Variants in CC2D2A observed in about 807,000 individuals in gnomAD.
CC2D2A encodes coiled-coil and C2 domain containing 2A.
CC2D2A carries 155 observed loss-of-function variants against 212.9 expected under a neutral mutation model. The ratio of observed to expected loss-of-function variants is 0.73; its 90% CI spans 0.64 to 0.83. The LOEUF is 0.83. Ranked by LOEUF, CC2D2A falls within the 40% of genes least tolerant of loss-of-function variation. The pLI is 0.00. For synonymous variants in CC2D2A, 667 were observed against 686.5 expected (o/e 0.97, Z 0.44); for missense variants, 1,856 against 1,956.2 (o/e 0.95, Z 0.97).
chr4:15,478,722 G>A lies in CC2D2A; in HGVS notation c.40-1G>A. 1 of 1,551,998 alleles carries A rather than the reference G, an allele frequency of 6.4e-7. No individual in the cohort carries two copies. Among genetic ancestry groups the A allele is most frequent in the African/African-American group, 1.4e-5 (1 of 73,110 alleles). ...TCTCTCCCTTTTGCATTTTCACAAA[G>A]GAGTTCATTGAAAATGATGAGGATG... On this transcript the variant is annotated splice_acceptor_variant, in intron 2 of 36. Coordinates refer to ENST00000424120, the MANE Select transcript of CC2D2A (RefSeq NM_001378615.1). LOFTEE classifies it high-confidence loss of function.
chr4:15,527,926 G>T (rs1159659438), intron 12 of CC2D2A, among the ~76,000 whole-genome samples: 1 of 152,242 alleles, frequency 6.6e-6, no homozygotes, highest in Non-Finnish European at 1.5e-5. Context: ...GTGTTAGGTG[G>T]AAGATATGTG....
At chr4:15,571,698 A>G (rs1335299028) in intron 28 of CC2D2A, among the ~76,000 whole-genome samples, 10 of 152,164 alleles carry the variant, frequency 6.6e-5, no homozygotes, top group Admixed American at 2.6e-4. Context: ...TCCCTAGGCA[A>G]AAGGGATTAG....
Position 15,596,347 on chromosome 4 carries a change from GA to G in CC2D2A, c.4437+143del. Reference sequence around the variant, plus strand: ...CGCATCTGAGCTCAACTCACAACAAGAAACAGATATATACGTTTACATATAT... The same window carrying G: ...CGCATCTGAGCTCAACTCACAACAAGAACAGATATATACGTTTACATATAT... On this transcript the variant is annotated intron_variant, in intron 34 of 36. Coordinates refer to ENST00000424120, the MANE Select transcript of CC2D2A (RefSeq NM_001378615.1). 7.8e-6 allele frequency: 5 copies of G among 643,656 alleles called. No individual in the cohort carries two copies. The South Asian group carries it at 2.1e-4, about 28-fold the overall frequency. 39.9% of individuals were successfully genotyped at this position (643,656 alleles called of 1,614,324 possible). A position where few individuals can be genotyped will look rare whatever the true frequency, so the allele number is the denominator to read the frequency against.
At chr4:15,545,599 T>C (rs1718669024) in intron 17 of CC2D2A, among the ~76,000 whole-genome samples, 1 of 152,134 alleles carries the variant, frequency 6.6e-6, no homozygotes, top group Non-Finnish European at 1.5e-5. Flanking sequence ...TCAGAGCTTC[T>C]AGCCAGGCTT....
chr4:15,521,032 A>C (rs1345727583), intron 11 of CC2D2A, among the ~76,000 whole-genome samples: 2 of 152,154 alleles, frequency 1.3e-5, no homozygotes, highest in Non-Finnish European at 2.9e-5. Context: ...AGAAATAGGA[A>C]AGTCAAGAAA....
intron 18 of CC2D2A, among the ~76,000 whole-genome samples, chr4:15,551,979 A>G (rs1719029360): frequency 6.6e-6 from 1 of 152,174 alleles, no homozygotes; most frequent in Non-Finnish European, 1.5e-5. Context: ...ACCTCTTTGC[A>G]TATCATTTTC....
intron 30 of CC2D2A, among the ~76,000 whole-genome samples, chr4:15,580,637 CAA>C (rs58107216): frequency 0.38 from 33,348 of 87,504 alleles, 2,789 homozygotes; most frequent in East Asian, 0.44. Flanking sequence ...GACTCTGTCT[CAA>C]AAAAAAAAAA....
intron 29 of CC2D2A, 87 bp from the exon 30 acceptor site, chr4:15,579,881 A>G: frequency 9.6e-7 from 1 of 1,041,396 alleles, no homozygotes; most frequent in Non-Finnish European, 1.5e-6. Flanking sequence ...CAAACCATAC[A>G]TTTCCTGCAT....
chr4:15,572,413 T>C lies in CC2D2A; in HGVS notation c.3595-1737T>C, dbSNP rs144035987. Among the ~76,000 whole-genome samples the C allele has an allele frequency of 2.0e-4, 31 of 152,252 alleles. No homozygotes were observed. The East Asian group carries it at 5.8e-3, about 28-fold the overall frequency. On this transcript the variant is annotated intron_variant, in intron 28 of 36. Transcript: ENST00000424120. ...TTTTTGTTTCTATGTTTCAGTACAT[T>C]TTGGAGAATGACTTTATTACTTCTG...
At position 15,482,061 on chromosome 4, in the gene CC2D2A, AGAG is replaced by A. The variant is rs796391593; in HGVS notation, c.247+1238_247+1240del. The A allele has an allele frequency of 6.5e-5, 64 of 985,440 alleles. No homozygotes were observed. In the African/African-American group the frequency reaches 1.0e-3, roughly 16 times the overall value. The allele number at this position is 985,440 out of a possible 1,614,324, so 61.0% of individuals were successfully genotyped here. ...CTTTTCATGAAAAGTGGATTAGACA[AGAG>A]GAGAAGTGGTTACACTTTTTAATTG... On this transcript the variant is annotated intron_variant, in intron 4 of 36. Transcript: ENST00000424120.
At chr4:15,540,786 G>A (rs950713858) in intron 16 of CC2D2A, 51 bp from the exon 17 acceptor site, 5 of 1,507,242 alleles carry the variant, frequency 3.3e-6, no homozygotes, top group Non-Finnish European at 4.5e-6. Flanking sequence ...ATATTTTGGT[G>A]ATCTTAGTAA....
chr4:15,535,753 G>A (rs960659680), intron 14 of CC2D2A, among the ~76,000 whole-genome samples: 9 of 152,142 alleles, frequency 5.9e-5, no homozygotes, highest in Admixed American at 3.3e-4. Context: ...AACTCCAGGC[G>A]ATATGTGTCC....
chr4:15,496,268 G>A (rs1273095539), intron 4 of CC2D2A, among the ~76,000 whole-genome samples: 6 of 152,144 alleles, frequency 3.9e-5, no homozygotes, highest in Admixed American at 2.6e-4. Flanking sequence ...TGGTTTTGGT[G>A]CAATTGCTTT....
chr4:15,578,985 A>G (rs908015021), intron 29 of CC2D2A, among the ~76,000 whole-genome samples: 2 of 150,652 alleles, frequency 1.3e-5, no homozygotes, highest in African/African-American at 4.9e-5. Context: ...TTGTTCTGAA[A>G]TCCTTTAAAA....
intron 3 of CC2D2A, among the ~76,000 whole-genome samples, chr4:15,480,394 A>C (rs544012663): frequency 6.6e-6 from 1 of 152,342 alleles, no homozygotes; most frequent in South Asian, 2.1e-4. Flanking sequence ...AGTTGGGAAC[A>C]AACTGATTTT....
At chr4:15,504,563 A>G (rs368999012) in intron 6 of CC2D2A, among the ~76,000 whole-genome samples, 6 of 152,288 alleles carry the variant, frequency 3.9e-5, no homozygotes, top group African/African-American at 1.4e-4. Flanking sequence ...CATTTTAAAA[A>G]ATAGATATCA....
At chr4:15,485,674 A>G (rs1259373033) in intron 4 of CC2D2A, among the ~76,000 whole-genome samples, 1 of 152,104 alleles carries the variant, frequency 6.6e-6, no homozygotes, top group East Asian at 1.9e-4. Flanking sequence ...TTTTAACTGG[A>G]GTAAGATATC....
At chr4:15,544,000 C>T (rs1718588668) in intron 17 of CC2D2A, 4 of 152,198 alleles carry the variant, frequency 2.6e-5, no homozygotes, top group Admixed American at 1.3e-4. Flanking sequence ...GCCAGGGATT[C>T]CCTGCAGGGA....
intron 4 of CC2D2A, among the ~76,000 whole-genome samples, chr4:15,486,873 T>A (rs945499044): frequency 3.9e-5 from 6 of 151,988 alleles, no homozygotes; most frequent in Non-Finnish European, 8.8e-5. Context: ...TTCCAGTCAA[T>A]TTTTTATTTT....
Sources: allele counts gnomAD v4.1 joint callset (sites outside exome capture counted in the v4.1 genomes callset), GRCh38; gene constraint gnomAD v4.1.1; transcripts MANE v1.5; gene names NCBI Gene and HGNC (gene_info 2026-07-23, HGNC 2026-07-21).